The following SPNS2 variants were observed in gnomAD, a reference collection of about 807,000 sequenced individuals.
SPNS2 encodes SPNS lysolipid transporter 2, sphingosine-1-phosphate.
In SPNS2, 37 loss-of-function variants were observed where a neutral mutation model predicts 57.6. That is an observed-to-expected ratio of 0.64 (90% CI 0.49 to 0.85). The LOEUF (loss-of-function observed/expected upper bound fraction) is 0.85. SPNS2 is among the 40% of genes least tolerant of loss of function. The pLI is 0.00. For missense variants in SPNS2, 831 were observed against 779.1 expected (o/e 1.07, Z -0.79); for synonymous variants, 440 against 346.9 (o/e 1.27, Z -2.98).
rs1904881203 is a variant in SPNS2 at position 4,512,926 on chromosome 17, G to T, written c.371-321G>T. 6.6e-6 allele frequency among the ~76,000 whole-genome samples: 1 copy of T among 152,196 alleles called. No homozygotes were observed. Among genetic ancestry groups the T allele is most frequent in the African/African-American group, 2.4e-5 (1 of 41,464 alleles). On this transcript the variant is annotated intron_variant, in intron 1 of 12. Transcript: ENST00000329078. This position sits in a 1 kb window ranked among gnomAD's most constrained non-coding sequence, Gnocchi z 5.2. ...CCTATGTCTATTGCACTGATCCACG[G>T]CCTGGGCCGCAGGTAGGGAAGAGGC...
At position 4,511,482 on chromosome 17, in the gene SPNS2, G is replaced by A. The variant is rs1460364977; in HGVS notation, c.371-1765G>A. The stretch of plus-strand genomic sequence containing the variant: ...CTGTGAAGTGACTGTGCCACAGAGG[G>A]ATGGGATCAAACCTACACATCAGGA... On this transcript the variant is annotated intron_variant, in intron 1 of 12. Coordinates refer to ENST00000329078, the MANE Select transcript of SPNS2 (RefSeq NM_001124758.3). This position sits in a 1 kb window ranked among gnomAD's most constrained non-coding sequence, Gnocchi z 4.6. Among the ~76,000 whole-genome samples, 1 of 152,198 alleles carries A rather than the reference G, an allele frequency of 6.6e-6. No homozygotes were observed. The highest frequency in any genetic ancestry group is 1.5e-5 in the Non-Finnish European group (1 of 68,030).
rs767631766 is a variant in SPNS2, at chr17:4,535,044, G to A, written c.1345-1032G>A. On this transcript the variant is annotated intron_variant, in intron 9 of 12. Coordinates refer to ENST00000329078, the MANE Select transcript of SPNS2 (RefSeq NM_001124758.3). ...CACCTCTCCCGCAACGGGGTGCCCC[G>A]TGGGTGCTGGTTGCTTGCACACAAT... is the stretch of plus-strand genomic sequence containing the variant. Among the ~76,000 whole-genome samples, 116 of 152,298 alleles carry A rather than the reference G, an allele frequency of 7.6e-4. No individual in the cohort carries two copies. In the Middle Eastern group the frequency reaches 0.01, roughly 13 times the overall value.
chr17:4,516,329 A>C (rs1219413306), intron 2 of SPNS2, among the ~76,000 whole-genome samples: 7 of 119,952 alleles, frequency 5.8e-5, no homozygotes, highest in South Asian at 3.9e-4. Context: ...AAAAAAAAAA[A>C]AAAAAAAAAA....
chr17:4,522,666 G>A (rs998230070), intron 2 of SPNS2, among the ~76,000 whole-genome samples: 12 of 152,216 alleles, frequency 7.9e-5, no homozygotes, highest in Non-Finnish European at 1.8e-4. Flanking sequence ...ATTCAGCCTG[G>A]CGGTCAGAGG....
At chr17:4,535,296 C>G (rs565972152) in intron 9 of SPNS2, among the ~76,000 whole-genome samples, 1 of 152,256 alleles carries the variant, frequency 6.6e-6, no homozygotes, top group Admixed American at 6.5e-5. Context: ...TGAGGGTGCC[C>G]GCGGGTGCGA....
Position 4,530,637 on chromosome 17 carries a change from C to T in SPNS2, c.579C>T (p.Phe193=), listed in dbSNP as rs1905423187. 1.2e-6 allele frequency: 2 copies of T among 1,611,652 alleles called. No homozygotes were observed. The highest frequency in any genetic ancestry group is 1.3e-5 in the African/African-American group (1 of 74,874). Residue 193 remains phenylalanine, a synonymous_variant, in exon 4 of 13, where the codon TTC becomes TTT. Transcript: ENST00000329078. ...FSSSFIPQQY[F]WLLVLSRGLV... is the part of the protein sequence containing the mutation. ...TCCTCCACCCCTCCTCACAGTACTT[C>T]TGGCTGCTGGTCCTGTCCCGGGGGC...
In SPNS2 at chr17:4,533,412, A is replaced by G. The variant is rs1174666503; in HGVS notation, c.1258A>G (p.Ser420Gly). 1 of 1,606,606 alleles carries G rather than the reference A, an allele frequency of 6.2e-7. No homozygotes were observed. ...CTGCCTGATCTTCGTGGCTGCCAAG[A>G]GCAGCATCGTAGGAGCCTATGTGAG... ...FICLIFVAAK[S>G]SIVGAYICIF... Residue 420 changes from serine to glycine, a missense_variant, in exon 8 of 13, where the codon AGC becomes GGC. Physicochemically the swap from Ser to Gly is moderately conservative, Grantham distance 56 (BLOSUM62 0). Coordinates refer to ENST00000329078, the MANE Select transcript of SPNS2 (RefSeq NM_001124758.3).
chr17:4,502,200 A>AC (rs112393928), intron 1 of SPNS2, among the ~76,000 whole-genome samples: 25,978 of 150,838 alleles, frequency 0.17, 3,135 homozygotes, highest in East Asian at 0.63. Context: ...ACATGGTGAA[A>AC]CCCCCCATCT....
chr17:4,536,437 G>GGGA lies in SPNS2; in HGVS notation c.1607+14_1607+16dup. The GGGA allele has an allele frequency of 6.4e-7, 1 of 1,557,462 alleles. No individual in the cohort carries two copies. The highest frequency in any genetic ancestry group is 8.6e-7 in the Non-Finnish European group (1 of 1,156,816). The stretch of plus-strand genomic sequence containing the variant: ...CAGGGCTGAGCAGCAGTGAGTGGGG[G>GGGA]GGAGGGGAGGCCCTGCTGCACCGCC... On this transcript the variant is annotated intron_variant, in intron 11 of 12. Coordinates refer to ENST00000329078, the MANE Select transcript of SPNS2 (RefSeq NM_001124758.3).
chr17:4,532,494 G>T, intron 5 of SPNS2, 48 bp from the exon 6 acceptor site: 1 of 1,613,742 alleles, frequency 6.2e-7, no homozygotes, highest in Non-Finnish European at 8.5e-7. Context: ...CTGCAGCAGG[G>T]ACGAGGCTCA....
Position 4,531,152 on chromosome 17 carries a change from C to G in SPNS2, c.792+33C>G, listed in dbSNP as rs748293091. 2.5e-6 allele frequency: 4 copies of G among 1,608,746 alleles called. No homozygotes were observed. The East Asian group carries it at 8.9e-5, about 36-fold the overall frequency. On this transcript the variant is annotated intron_variant, in intron 5 of 12. Coordinates refer to ENST00000329078, the MANE Select transcript of SPNS2 (RefSeq NM_001124758.3). ...CTACGTCCCTTCCCATGAGGACACC[C>G]TCCGGTCCAGACCTCGCCCCAGGGT...
chr17:4,538,137 C>G lies in SPNS2; in HGVS notation c.*689C>G, dbSNP rs577619919. 1.3e-4 allele frequency: 38 copies of G among 297,360 alleles called. No homozygotes were observed. Among genetic ancestry groups the G allele is most frequent in the Non-Finnish European group, 2.2e-4 (33 of 150,230 alleles). The allele number at this position is 297,360 out of a possible 1,614,324, so 18.4% of individuals were successfully genotyped here. On this transcript the variant is annotated 3_prime_UTR_variant, in exon 13 of 13. Coordinates refer to ENST00000329078, the MANE Select transcript of SPNS2 (RefSeq NM_001124758.3). ...GACTGTTCTGACAAGCTGGCATCAC[C>G]AGGGGTGAAGGCCCTGGCTGCAGCT...
At position 4,536,961 on chromosome 17, in the gene SPNS2, G is replaced by A. The variant is rs1905870219; in HGVS notation, c.*4+15G>A. On this transcript the variant is annotated intron_variant, in intron 12 of 12. Transcript: ENST00000329078. Reference sequence around the variant, plus strand: ...AGTCTGAGGTGGTGAGTGCAGGCCGGGAGGCACGTGGGGGCTCCCTAAGGA... The same window carrying A: ...AGTCTGAGGTGGTGAGTGCAGGCCGAGAGGCACGTGGGGGCTCCCTAAGGA... 6.2e-7 allele frequency: 1 copy of A among 1,611,792 alleles called. No individual in the cohort carries two copies. The highest frequency in any genetic ancestry group is 1.3e-5 in the African/African-American group (1 of 74,914).
chr17:4,516,351 AC>A (rs60956874), intron 2 of SPNS2, among the ~76,000 whole-genome samples: 6,902 of 73,756 alleles, frequency 0.094, 717 homozygotes, highest in African/African-American at 0.26. Context: ...AAACAAAAAA[AC>A]CGCTCATAGG....
At chr17:4,533,554 T>C in intron 8 of SPNS2, 122 bp downstream of exon 8, 1 of 1,163,820 alleles carries the variant, frequency 8.6e-7, no homozygotes, top group Non-Finnish European at 1.2e-6. Context: ...TCCTATTCTC[T>C]GGCTGCCCCT....
At chr17:4,530,510 AC>A (rs777293489) in intron 3 of SPNS2, 121 bp from the exon 4 acceptor site, 275 of 1,205,146 alleles carry the variant, frequency 2.3e-4, no homozygotes, top group Non-Finnish European at 3.0e-4. Context: ...GCCCACCAGC[AC>A]CCTCACCCTT....
In SPNS2 at chr17:4,499,260, C is replaced by T; in HGVS notation, c.213C>T (p.Pro71=). The part of the protein sequence containing the change: ...SGSVRRAPTG[P]PGTPGTPGCA... ...GCGTAAGGCGGGCCCCGACCGGACC[C>T]CCCGGCACCCCCGGCACCCCCGGCT... Residue 71 remains proline (P), a synonymous_variant, in exon 1 of 13, where the codon CCC becomes CCT. Coordinates refer to ENST00000329078, the MANE Select transcript of SPNS2 (RefSeq NM_001124758.3). The surrounding 1 kb of genome is among the most constrained non-coding windows in gnomAD (Gnocchi z 5.2). The T allele has an allele frequency of 6.8e-7, 1 of 1,471,652 alleles. No homozygotes were observed. The highest frequency in any genetic ancestry group is 8.9e-7 in the Non-Finnish European group (1 of 1,117,668). The allele number at this position is 1,471,652 out of a possible 1,614,324, so 91.2% of individuals were successfully genotyped here. A position where few individuals can be genotyped will look rare whatever the true frequency, so the allele number is the denominator to read the frequency against.
intron 1 of SPNS2, among the ~76,000 whole-genome samples, chr17:4,502,909 TGCCCCAGC>T (rs2144301480): frequency 6.6e-6 from 1 of 152,304 alleles, no homozygotes; most frequent in Non-Finnish European, 1.5e-5. Flanking sequence ...TAGTAGCTTC[TGCCCCAGC>T]GCCACCCGGT....
At chr17:4,533,517 C>T in intron 8 of SPNS2, 85 bp downstream of exon 8, 2 of 1,391,416 alleles carry the variant, frequency 1.4e-6, no homozygotes, top group South Asian at 1.4e-5. Context: ...GTCTGACTTA[C>T]TGGATGTTCC....
Sources: allele counts gnomAD v4.1 joint callset (sites outside exome capture counted in the v4.1 genomes callset), GRCh38; gene constraint gnomAD v4.1.1; non-coding constraint Gnocchi (gnomAD v3.1); transcripts MANE v1.5; gene names NCBI Gene and HGNC (gene_info 2026-07-23, HGNC 2026-07-21).